VCAN: variants seen among roughly 807,000 people sequenced by gnomAD.
VCAN encodes versican core protein.
VCAN carries 44 observed loss-of-function variants against 245.5 expected under a neutral mutation model. That is an observed-to-expected ratio of 0.18 (90% CI 0.14 to 0.23). The LOEUF (loss-of-function observed/expected upper bound fraction) is 0.23. VCAN is among the 10% of genes least tolerant of loss of function. VCAN has a pLI of 1.00. For synonymous variants in VCAN, 1,413 were observed against 1,437.0 expected, an observed-to-expected ratio of 0.98 and a Z score of 0.38; for missense variants, 3,793 against 4,057.9, an observed-to-expected ratio of 0.93 and a Z score of 1.77.
At chr5:83,519,282 C>A in intron 6 of VCAN, 67 bp from the exon 7 acceptor site, 1 of 1,554,966 alleles carries the variant, frequency 6.4e-7, no homozygotes, top group Non-Finnish European at 8.8e-7. Flanking sequence ...GAGCACTTAA[C>A]AAACACTGGG....
chr5:83,532,230 TAAC>T (rs1272825804), intron 7 of VCAN, among the ~76,000 whole-genome samples: 1 of 152,020 alleles, frequency 6.6e-6, no homozygotes, highest in Non-Finnish European at 1.5e-5. Flanking sequence ...GATTCTCTAA[TAAC>T]GTGTGTGGTG....
rs111455323 is a variant in VCAN at position 83,581,250 on chromosome 5, C to A, written c.*816C>A. 7.6e-3 allele frequency: 1,116 copies of A among 146,082 alleles called. 5 individuals are homozygous for A. The highest frequency in any genetic ancestry group is 0.012 in the Non-Finnish European group (812 of 67,484). The allele number at this position is 146,082 out of a possible 1,614,324, so 9.0% of individuals were successfully genotyped here. On this transcript the variant is annotated 3_prime_UTR_variant, in exon 15 of 15. Coordinates refer to ENST00000265077, the MANE Select transcript of VCAN (RefSeq NM_004385.5). The stretch of plus-strand genomic sequence containing the variant: ...TCATAACACTAACTCATAAGGTTAC[C>A]GATCAATGCATTTCATACGGATATA...
intron 1 of VCAN, among the ~76,000 whole-genome samples, chr5:83,475,514 A>T (rs1382717037): frequency 6.6e-6 from 1 of 152,166 alleles, no homozygotes; most frequent in African/African-American, 2.4e-5. Context: ...TGTGAGTGTA[A>T]TATAAAAATA....
chr5:83,471,853 G>T lies in VCAN; in HGVS notation c.-177G>T. The T allele has an allele frequency of 2.5e-6, 1 of 397,824 alleles. No individual in the cohort carries two copies. The highest frequency in any genetic ancestry group is 4.4e-6 in the Non-Finnish European group (1 of 225,746). 24.6% of individuals were successfully genotyped at this position (397,824 alleles called of 1,614,324 possible). A position where few individuals can be genotyped will look rare whatever the true frequency, so the allele number is the denominator to read the frequency against. On this transcript the variant is annotated 5_prime_UTR_variant, in exon 1 of 15. Transcript: ENST00000265077. ...TGTTGTGGACAGGAGCTGGGACCAA[G>T]ATCTTCGGCCAGCCCCGCATCCTCC... is the stretch of plus-strand genomic sequence containing the variant.
intron 12 of VCAN, among the ~76,000 whole-genome samples, chr5:83,555,808 C>T (rs923402249): frequency 7.9e-5 from 12 of 152,122 alleles, no homozygotes; most frequent in Admixed American, 4.6e-4. Flanking sequence ...AACCTCTAGC[C>T]GCTGTATTTT....
At chr5:83,558,238 T>A (rs1173394935) in intron 12 of VCAN, among the ~76,000 whole-genome samples, 1 of 152,172 alleles carries the variant, frequency 6.6e-6, no homozygotes, top group Admixed American at 6.6e-5. Context: ...TTGAATAAAA[T>A]CCTTCTGCTT....
rs760401724 is a variant in VCAN, at chr5:83,519,994, C to G, written c.1688C>G (p.Thr563Arg). The G allele has an allele frequency of 5.0e-6, 8 of 1,614,102 alleles. No homozygotes were observed. Among genetic ancestry groups the G allele is most frequent in the Non-Finnish European group, 6.8e-6 (8 of 1,179,970 alleles). ...GEEDDEDRTL[T>R]VGSDESTLIF... The stretch of plus-strand genomic sequence containing the variant: ...GAGGATGATGAAGACAGAACACTTA[C>G]AGTTGGATCTGATGAGAGCACCTTG... The change falls in exon 7 of 15, where the codon ACA becomes AGA. Residue 563 changes from threonine to arginine, a missense_variant. Coordinates refer to ENST00000265077, the MANE Select transcript of VCAN (RefSeq NM_004385.5).
intron 1 of VCAN, 106 bp downstream of exon 1, chr5:83,472,129 T>C (rs963919682): frequency 1.9e-4 from 36 of 185,252 alleles, no homozygotes; most frequent in African/African-American, 7.5e-4. Flanking sequence ...AGGCTTTAAT[T>C]AAGGCAAAGA....
In VCAN at chr5:83,520,464, G is replaced by A. The variant is rs767840593; in HGVS notation, c.2158G>A (p.Val720Ile). Residue 720 changes from valine to isoleucine, a missense_variant, in exon 7 of 15, where the codon GTC (valine) becomes ATC (isoleucine). Val to Ile is a conservative substitution (Grantham distance 29, BLOSUM62 3). This residue lies in a region of VCAN where 3,182 missense variants were observed against 3,250.3 expected (regional missense o/e 0.98). Transcript: ENST00000265077. ...SPFMGKTEEE[V>I]FSGMKLSTSL... ...ATTTATGGGAAAAACAGAAGAAGAA[G>A]TCTTCTCTGGGATGAAACTCTCTAC... 3.1e-6 allele frequency: 5 copies of A among 1,613,802 alleles called. No individual in the cohort carries two copies. The Admixed American group carries it at 8.3e-5, about 27-fold the overall frequency.
chr5:83,509,605 C>T (rs251124), intron 5 of VCAN, among the ~76,000 whole-genome samples: 30,049 of 152,092 alleles, frequency 0.2, 3,202 homozygotes, highest in East Asian at 0.33. Context: ...ATGGTAGTTT[C>T]GCCTTAAGGT....
chr5:83,557,780 T>C (rs1252091552), intron 12 of VCAN, among the ~76,000 whole-genome samples: 1 of 152,154 alleles, frequency 6.6e-6, no homozygotes, highest in Non-Finnish European at 1.5e-5. Flanking sequence ...CATAGATAAC[T>C]GTACAACATA....
chr5:83,522,142 A>T lies in VCAN; in HGVS notation c.3836A>T (p.Tyr1279Phe). 2 of 1,613,106 alleles carry T rather than the reference A, an allele frequency of 1.2e-6. No homozygotes were observed. The highest frequency in any genetic ancestry group is 1.7e-6 in the Non-Finnish European group (2 of 1,180,022). The change falls in exon 7 of 15, where the codon TAT (tyrosine) becomes TTT (phenylalanine). Residue 1279 changes from tyrosine (Y) to phenylalanine (F), a missense_variant. By Grantham distance (22) the Tyr-to-Phe change is conservative. Transcript: ENST00000265077. ...KETETDIDREYFTTSSPPATQ... is the reference protein window; with the variant it reads ...KETETDIDREFFTTSSPPATQ... Reference sequence around the variant, plus strand: ...ACAGAAACCGATATTGATAGAGAGTATTTCACGACTTCAAGTCCTCCTGCT... The same window carrying T: ...ACAGAAACCGATATTGATAGAGAGTTTTTCACGACTTCAAGTCCTCCTGCT...
At chr5:83,567,235 CTT>C (rs1341157090) in intron 12 of VCAN, among the ~76,000 whole-genome samples, 3 of 151,900 alleles carry the variant, frequency 2.0e-5, no homozygotes, top group Non-Finnish European at 4.4e-5. Flanking sequence ...ATAATTATCT[CTT>C]AATAAAATGC....
Position 83,565,731 on chromosome 5 carries a change from C to T in VCAN, c.9736-6685C>T, listed in dbSNP as rs149612365. 2.7e-3 allele frequency among the ~76,000 whole-genome samples: 405 copies of T among 152,190 alleles called. 1 individual carries two copies. Among genetic ancestry groups the T allele is most frequent in the African/African-American group, 9.3e-3 (386 of 41,534 alleles). On this transcript the variant is annotated intron_variant, in intron 12 of 14. Coordinates refer to ENST00000265077, the MANE Select transcript of VCAN (RefSeq NM_004385.5). The stretch of plus-strand genomic sequence containing the variant: ...TTAGGTTTTGATAAGAACGATTGCT[C>T]TTAAAACTTCTTAGTCTTTTGCTCA...
intron 10 of VCAN, among the ~76,000 whole-genome samples, chr5:83,553,066 C>T (rs972177313): frequency 1.3e-5 from 2 of 152,196 alleles, no homozygotes; most frequent in African/African-American, 4.8e-5. Context: ...TCAGCCAGTG[C>T]TATAGCAGCC....
intron 5 of VCAN, among the ~76,000 whole-genome samples, chr5:83,501,993 A>G (rs555412010): frequency 2.0e-5 from 3 of 152,290 alleles, no homozygotes; most frequent in Middle Eastern, 3.4e-3. Flanking sequence ...TTTTCAGAGT[A>G]TAAGTTTTGC....
Position 83,519,354 on chromosome 5 carries a change from G to A in VCAN, c.1048G>A (p.Glu350Lys). The change falls in exon 7 of 15, where the codon GAG becomes AAG. Residue 350 changes from glutamate (E) to lysine (K), a missense_variant. This residue lies in a region of VCAN where 190 missense variants were observed against 288.6 expected (regional missense o/e 0.66). Coordinates refer to ENST00000265077, the MANE Select transcript of VCAN (RefSeq NM_004385.5). ...CTTTGAAATTATTTTTCTAGCTAAA[G>A]AGGCTACAACCATCGATTTGAGTAT... ...RFDAYCFKPK[E>K]ATTIDLSILA... The A allele has an allele frequency of 6.2e-7, 1 of 1,613,686 alleles. No homozygotes were observed.
chr5:83,504,485 C>T (rs149671272), intron 5 of VCAN, among the ~76,000 whole-genome samples: 1,553 of 151,446 alleles, frequency 0.01, 17 homozygotes, highest in African/African-American at 0.026. Flanking sequence ...TGGGTTCAAG[C>T]GATCCTCCTG....
At position 83,520,710 on chromosome 5, in the gene VCAN, A is replaced by G. The variant is rs564438765; in HGVS notation, c.2404A>G (p.Lys802Glu). ...AAGTGTTGAAGCAGCCACTGTATCA[A>G]AATGGTCATGGGATGAAGATAATAC... is the stretch of plus-strand genomic sequence containing the variant. The part of the protein sequence containing the change: ...TLSVEAATVS[K>E]WSWDEDNTTS... Residue 802 changes from lysine (K) to glutamate (E), a missense_variant, in exon 7 of 15, where the codon AAA becomes GAA. By Grantham distance (56) the Lys-to-Glu change is moderately conservative. Transcript: ENST00000265077. 36 of 1,614,172 alleles carry G rather than the reference A, an allele frequency of 2.2e-5. No individual in the cohort carries two copies. In the South Asian group the frequency reaches 3.5e-4, roughly 16 times the overall value.
Sources: gnomAD v4.1 joint callset for allele counts (sites outside exome capture counted in the v4.1 genomes callset) on GRCh38, gnomAD v4.1.1 for gene constraint, gnomAD v4.1.1 regional missense constraint, MANE v1.5 for transcripts, NCBI Gene and HGNC (gene_info 2026-07-23, HGNC 2026-07-21) for gene names.